The following PCDHA8 variants were observed in gnomAD, a reference collection of about 807,000 sequenced individuals.
The protein encoded by PCDHA8 is protocadherin alpha-8.
In PCDHA8, 53 loss-of-function variants were observed where a neutral mutation model predicts 61.8. That is an observed-to-expected ratio of 0.86 (90% CI 0.69 to 1.08). The LOEUF is 1.08. Among genes scored for constraint, PCDHA8 ranks in the 50% least tolerant of loss-of-function variants. The probability of loss-of-function intolerance (pLI) is 0.00; values close to 1 mark genes in which losing one functional copy is unlikely to be tolerated. For synonymous variants in PCDHA8, 618 were observed against 556.6 expected (o/e 1.11, Z -1.55); for missense variants, 1,293 against 1,245.0 (o/e 1.04, Z -0.58).
chr5:140,890,319 A>C (rs2062592452), intron 1 of PCDHA8, among the ~76,000 whole-genome samples: 1 of 152,206 alleles, frequency 6.6e-6, no homozygotes, highest in Admixed American at 6.5e-5. Context: ...AGTTGTTTTA[A>C]GATATTAGGT....
At chr5:140,974,614 C>T (rs757071183) in intron 1 of PCDHA8, among the ~76,000 whole-genome samples, 3 of 152,070 alleles carry the variant, frequency 2.0e-5, no homozygotes, top group East Asian at 1.9e-4. Context: ...AGGGTTCAAG[C>T]GATTCTCCTG....
At chr5:140,933,928 T>G (rs1055877190) in intron 1 of PCDHA8, among the ~76,000 whole-genome samples, 1 of 152,080 alleles carries the variant, frequency 6.6e-6, no homozygotes, top group Non-Finnish European at 1.5e-5. Flanking sequence ...TGTCCTGTTG[T>G]GACTTTTTTT....
At chr5:140,860,697 ATTG>A (rs1191589465) in intron 1 of PCDHA8, 2 of 152,170 alleles carry the variant, frequency 1.3e-5, no homozygotes, top group African/African-American at 4.8e-5. Context: ...GCGACAGGAT[ATTG>A]TTGTTCTCCA....
At chr5:140,957,398 TTTA>T (rs2095356378) in intron 1 of PCDHA8, among the ~76,000 whole-genome samples, 1 of 152,304 alleles carries the variant, frequency 6.6e-6, no homozygotes, top group South Asian at 2.1e-4. Context: ...ATTGTCCTAA[TTTA>T]TTATTATTGT....
intron 2 of PCDHA8, chr5:140,982,259 G>A (rs2153828072): frequency 2.4e-6 from 2 of 820,856 alleles, no homozygotes; most frequent in South Asian, 4.9e-5. Context: ...GAACATGTGT[G>A]TTCCTGGAAT....
intron 1 of PCDHA8, among the ~76,000 whole-genome samples, chr5:140,855,047 T>C (rs1426970366): frequency 1.3e-5 from 2 of 149,978 alleles, no homozygotes; most frequent in African/African-American, 2.4e-5. Flanking sequence ...TCTGTAATAG[T>C]ACTTTTCTGT....
At chr5:140,920,889 T>G (rs1488579126) in intron 1 of PCDHA8, among the ~76,000 whole-genome samples, 2 of 150,044 alleles carry the variant, frequency 1.3e-5, no homozygotes, top group African/African-American at 4.9e-5. Context: ...GAACTTAAAG[T>G]CATATTTTGG....
At chr5:140,847,009 T>G (rs1780816378) in intron 1 of PCDHA8, among the ~76,000 whole-genome samples, 1 of 149,542 alleles carries the variant, frequency 6.7e-6, no homozygotes, top group Non-Finnish European at 1.5e-5. Flanking sequence ...TTGAGAATGA[T>G]AGACATTTCT....
At chr5:140,935,639 T>A (rs1377571192) in intron 1 of PCDHA8, among the ~76,000 whole-genome samples, 2 of 152,192 alleles carry the variant, frequency 1.3e-5, no homozygotes, top group African/African-American at 4.8e-5. Context: ...AGGGCTTGCT[T>A]TTTAAATTTT....
chr5:140,866,238 A>G (rs1317266389), intron 1 of PCDHA8: 2 of 152,166 alleles, frequency 1.3e-5, no homozygotes, highest in Admixed American at 1.3e-4. Context: ...ACTATATACC[A>G]AAAATGACAC....
At chr5:140,982,380 C>A in intron 2 of PCDHA8, 95 bp from the exon 3 acceptor site, 1 of 1,577,206 alleles carries the variant, frequency 6.3e-7, no homozygotes, top group South Asian at 1.2e-5. Context: ...AGCTGCAGCC[C>A]TGGCTTCATA....
intron 1 of PCDHA8, among the ~76,000 whole-genome samples, chr5:140,912,549 A>G (rs2075971399): frequency 6.6e-6 from 1 of 152,152 alleles, no homozygotes; most frequent in East Asian, 1.9e-4. Context: ...TTGTCAGCAA[A>G]CAGCAACAGT....
chr5:140,889,968 T>A (rs1373057542), intron 1 of PCDHA8, among the ~76,000 whole-genome samples: 2 of 152,170 alleles, frequency 1.3e-5, no homozygotes, highest in Non-Finnish European at 2.9e-5. Context: ...AAAATTACTA[T>A]CCAGTCTCCA....
chr5:140,919,201 A>AT (rs1328020690), intron 1 of PCDHA8, among the ~76,000 whole-genome samples: 1 of 152,202 alleles, frequency 6.6e-6, no homozygotes. Flanking sequence ...TTTTGTCATT[A>AT]TAAAATGTCC....
intron 1 of PCDHA8, among the ~76,000 whole-genome samples, chr5:140,895,520 A>G (rs1053295495): frequency 6.6e-6 from 1 of 152,116 alleles, no homozygotes; most frequent in South Asian, 2.1e-4. Context: ...TAATTGGTTT[A>G]TTCGTTTTTC....
chr5:140,898,673 G>A (rs1378652105), intron 1 of PCDHA8, among the ~76,000 whole-genome samples: 1 of 152,170 alleles, frequency 6.6e-6, no homozygotes, highest in Non-Finnish European at 1.5e-5. Flanking sequence ...GGTGTTGCGG[G>A]CTGTTTTTTG....
chr5:140,982,649 G>T, intron 3 of PCDHA8, 86 bp downstream of exon 3: 2 of 1,504,320 alleles, frequency 1.3e-6, no homozygotes, highest in South Asian at 1.3e-5. Context: ...AATGTTGATG[G>T]CTCTTTTTCT....
intron 1 of PCDHA8, among the ~76,000 whole-genome samples, chr5:140,970,004 G>A (rs1322154107): frequency 6.6e-6 from 1 of 152,200 alleles, no homozygotes; most frequent in Non-Finnish European, 1.5e-5. Context: ...CAGAGGGAGT[G>A]GATGATGGTG....
At chr5:140,923,423 G>T (rs533295733) in intron 1 of PCDHA8, among the ~76,000 whole-genome samples, 1 of 152,260 alleles carries the variant, frequency 6.6e-6, no homozygotes, top group East Asian at 1.9e-4. Context: ...GGCTACTTGG[G>T]AGGCTGGGGT....
Sources: allele counts gnomAD v4.1 joint callset (sites outside exome capture counted in the v4.1 genomes callset), GRCh38; gene constraint gnomAD v4.1.1; transcripts MANE v1.5; gene names NCBI Gene and HGNC (gene_info 2026-07-23, HGNC 2026-07-21).